Variants in SH3PXD2A observed in about 807,000 individuals in gnomAD.
The protein encoded by SH3PXD2A is SH3 and PX domains 2A.
In SH3PXD2A, 32 loss-of-function variants were observed where a neutral mutation model predicts 115.2. The ratio of observed to expected loss-of-function variants is 0.28; its 90% confidence interval spans 0.21 to 0.37. The LOEUF is 0.37. SH3PXD2A is among the 10% of genes least tolerant of loss of function. SH3PXD2A has a pLI of 1.00. For missense variants in SH3PXD2A, 1,328 were observed against 1,498.7 expected, an observed-to-expected ratio of 0.89 and a Z score of 1.88; for synonymous variants, 610 against 629.1, an observed-to-expected ratio of 0.97 and a Z score of 0.45.
chr10:103,748,619 G>T (rs777390967), intron 3 of SH3PXD2A, among the ~76,000 whole-genome samples: 1 of 152,256 alleles, frequency 6.6e-6, no homozygotes, highest in Non-Finnish European at 1.5e-5. Context: ...GGCTGAGGAA[G>T]TGGAGAGAGT....
chr10:103,799,999 T>C (rs111765819), intron 2 of SH3PXD2A, among the ~76,000 whole-genome samples: 391 of 152,256 alleles, frequency 2.6e-3, no homozygotes, highest in African/African-American at 8.7e-3. Context: ...GAATTAGGTA[T>C]TGGGGGCAAG....
chr10:103,814,154 T>C (rs2134281097), intron 1 of SH3PXD2A, among the ~76,000 whole-genome samples: 1 of 152,264 alleles, frequency 6.6e-6, no homozygotes, highest in Admixed American at 6.5e-5. Flanking sequence ...CTGCTTCCAG[T>C]TTTGGAATTC....
At chr10:103,718,035 C>A (rs1234100612) in intron 5 of SH3PXD2A, among the ~76,000 whole-genome samples, 1 of 147,952 alleles carries the variant, frequency 6.8e-6, no homozygotes, top group Non-Finnish European at 1.5e-5. Flanking sequence ...GATACAGGGT[C>A]TGTCTCTGTT....
rs193263202 is a variant in SH3PXD2A, at chr10:103,808,412, T to C, written c.73-7050A>G. The stretch of plus-strand genomic sequence containing the variant: ...CATTGCAGGTGCCTGCCATCACACC[T>C]GGCTAATTTTTGTATTTTTAGTAGA... On this transcript the variant is annotated intron_variant, in intron 1 of 14. Coordinates refer to ENST00000369774, the MANE Select transcript of SH3PXD2A (RefSeq NM_001394015.1). Among the ~76,000 whole-genome samples, 466 of 152,174 alleles carry C rather than the reference T, an allele frequency of 3.1e-3. 3 individuals are homozygous for C. Among genetic ancestry groups the C allele is most frequent in the African/African-American group, 9.8e-3 (406 of 41,512 alleles).
At chr10:103,736,149 A>T (rs544679524) in intron 3 of SH3PXD2A, among the ~76,000 whole-genome samples, 100 of 152,332 alleles carry the variant, frequency 6.6e-4, no homozygotes, top group African/African-American at 2.2e-3. Flanking sequence ...AAATCAACAC[A>T]AAGTAGAGCC....
At chr10:103,739,276 C>T (rs2038416887) in intron 3 of SH3PXD2A, among the ~76,000 whole-genome samples, 1 of 152,212 alleles carries the variant, frequency 6.6e-6, no homozygotes, top group Non-Finnish European at 1.5e-5. Flanking sequence ...CTGCCCAGTC[C>T]TCCCCACCAG....
At chr10:103,849,888 G>A (rs1005113) in intron 1 of SH3PXD2A, among the ~76,000 whole-genome samples, 132,279 of 152,168 alleles carry the variant, frequency 0.87, 58,686 homozygotes, top group East Asian at 0.99. Context: ...CTCAGAACTC[G>A]AGAGGAGTAA....
chr10:103,603,954 T>C (rs956449126), intron 14 of SH3PXD2A, among the ~76,000 whole-genome samples, 165 bp from the exon 15 acceptor site: 2 of 152,148 alleles, frequency 1.3e-5, no homozygotes, highest in Admixed American at 1.3e-4. Flanking sequence ...TAGTAAATAA[T>C]GCACCAGAAT....
Position 103,599,799 on chromosome 10 carries a change from T to C in SH3PXD2A, c.*2017A>G, listed in dbSNP as rs2036189843. 1 of 152,690 alleles carries C rather than the reference T, an allele frequency of 6.5e-6. No individual in the cohort carries two copies. The highest frequency in any genetic ancestry group is 1.5e-5 in the Non-Finnish European group (1 of 68,052). 9.5% of individuals were successfully genotyped at this position (152,690 alleles called of 1,614,324 possible). A position where few individuals can be genotyped will look rare whatever the true frequency, so the allele number is the denominator to read the frequency against. The stretch of plus-strand genomic sequence containing the variant: ...AGCAGATTAACTCAACATCCTGCTC[T>C]ATTTAATACTGTCCAGCAGAAGAAA... On this transcript the variant is annotated 3_prime_UTR_variant, in exon 15 of 15. Transcript: ENST00000369774.
intron 5 of SH3PXD2A, among the ~76,000 whole-genome samples, chr10:103,702,596 C>CGTGTGCGTGTGTGTGTGTGT (rs1554913265): frequency 2.0e-5 from 3 of 147,562 alleles, no homozygotes; most frequent in Non-Finnish European, 3.0e-5. Flanking sequence ...TGTGTGTGTG[C>CGTGTGCGTGTGTGTGTGTGT]GTGTGTGTGT....
At position 103,612,845 on chromosome 10, in the gene SH3PXD2A, G is replaced by A; in HGVS notation, c.1258+8C>T. The A allele has an allele frequency of 6.5e-7, 1 of 1,535,300 alleles. No individual in the cohort carries two copies. Among genetic ancestry groups the A allele is most frequent in the African/African-American group, 1.4e-5 (1 of 72,338 alleles). On this transcript the variant is annotated splice_region_variant and intron_variant, in intron 12 of 14. Coordinates refer to ENST00000369774, the MANE Select transcript of SH3PXD2A (RefSeq NM_001394015.1). ...CAGTGAGGACCTAGAGGTCAGCGAGGCTCTTACTGATCTGGGCCCGCTGAG... is the reference window on the plus strand; with the variant it reads ...CAGTGAGGACCTAGAGGTCAGCGAGACTCTTACTGATCTGGGCCCGCTGAG...
At chr10:103,701,039 TCCA>T (rs2037889151) in intron 5 of SH3PXD2A, among the ~76,000 whole-genome samples, 1 of 1,324 alleles carries the variant, frequency 7.6e-4, no homozygotes, top group Non-Finnish European at 1.2e-3. Context: ...CATCCATCCA[TCCA>T]CCATCCATCC....
At chr10:103,741,220 G>A (rs1046066334) in intron 3 of SH3PXD2A, among the ~76,000 whole-genome samples, 12 of 152,162 alleles carry the variant, frequency 7.9e-5, no homozygotes, top group African/African-American at 2.7e-4. Context: ...CAAGGCCCTG[G>A]GGCAGAAGGA....
intron 1 of SH3PXD2A, among the ~76,000 whole-genome samples, chr10:103,852,096 C>T (rs967773540): frequency 2.0e-5 from 3 of 152,250 alleles, no homozygotes; most frequent in Admixed American, 2.0e-4. Flanking sequence ...TACCTAGGGT[C>T]TCCCCAGGCA....
chr10:103,721,493 G>A (rs530427078), intron 5 of SH3PXD2A, among the ~76,000 whole-genome samples: 7 of 152,324 alleles, frequency 4.6e-5, no homozygotes, highest in Non-Finnish European at 5.9e-5. Flanking sequence ...TGAGGCCGAC[G>A]GATTCAGCTG....
chr10:103,661,155 C>A, intron 7 of SH3PXD2A, 41 bp from the exon 8 acceptor site: 1 of 1,601,236 alleles, frequency 6.2e-7, no homozygotes, highest in South Asian at 1.1e-5. Flanking sequence ...AGCGGCCAGC[C>A]ATGGCCCCGC....
At position 103,758,623 on chromosome 10, in the gene SH3PXD2A, C is replaced by T. The variant is rs530008525; in HGVS notation, c.229+8471G>A. Among the ~76,000 whole-genome samples, 8 of 152,350 alleles carry T rather than the reference C, an allele frequency of 5.3e-5. No homozygotes were observed. In the South Asian group the frequency reaches 8.3e-4, roughly 16 times the overall value. On this transcript the variant is annotated intron_variant, in intron 3 of 14. Coordinates refer to ENST00000369774, the MANE Select transcript of SH3PXD2A (RefSeq NM_001394015.1). Reference sequence around the variant, plus strand: ...GAAAGGAATGAATGTAGCTATTCCACGCTGTGTTCAGAGTCAGCTGCTGAC... The same window carrying T: ...GAAAGGAATGAATGTAGCTATTCCATGCTGTGTTCAGAGTCAGCTGCTGAC...
chr10:103,660,882 C>G, intron 8 of SH3PXD2A, 101 bp downstream of exon 8: 1 of 1,303,028 alleles, frequency 7.7e-7, no homozygotes, highest in Non-Finnish European at 1.1e-6. Context: ...ATGGAAATAA[C>G]GTATAGCTGC....
intron 1 of SH3PXD2A, among the ~76,000 whole-genome samples, chr10:103,805,440 T>A (rs777789659): frequency 6.6e-6 from 1 of 152,214 alleles, no homozygotes; most frequent in Non-Finnish European, 1.5e-5. Flanking sequence ...CCAGTACTGA[T>A]GAAAACATGG....
Sources: allele counts gnomAD v4.1 joint callset (sites outside exome capture counted in the v4.1 genomes callset), GRCh38; gene constraint gnomAD v4.1.1; transcripts MANE v1.5; gene names NCBI Gene and HGNC (gene_info 2026-07-23, HGNC 2026-07-21).